The following OR51B5 variants were observed in gnomAD, a reference collection of about 807,000 sequenced individuals.
OR51B5 encodes the protein olfactory receptor family 51 subfamily B member 5, also known as olfactory receptor 51B5.
For synonymous variants in OR51B5, 186 were observed against 144.8 expected, an observed-to-expected ratio of 1.28 and a Z score of -2.04; for missense variants, 456 against 374.6, an observed-to-expected ratio of 1.22 and a Z score of -1.79.
intron 1 of OR51B5, among the ~76,000 whole-genome samples, chr11:5,374,561 G>A (rs985264975): frequency 6.6e-6 from 1 of 152,032 alleles, no homozygotes; most frequent in Non-Finnish European, 1.5e-5. Context: ...TCAAACCAAA[G>A]GCAAAGAAGA....
At chr11:5,366,059 G>C (rs78017006) in intron 1 of OR51B5, among the ~76,000 whole-genome samples, 2 of 151,070 alleles carry the variant, frequency 1.3e-5, no homozygotes, top group African/African-American at 2.5e-5. Flanking sequence ...CAGCATGTTT[G>C]GGGGCTGTTA....
chr11:5,434,450 G>A (rs574647542), intron 1 of OR51B5, among the ~76,000 whole-genome samples: 1 of 152,286 alleles, frequency 6.6e-6, no homozygotes, highest in Non-Finnish European at 1.5e-5. Context: ...CACAGATGTA[G>A]CCTAGGTTTT....
chr11:5,496,745 G>A (rs1851655459), intron 1 of OR51B5, among the ~76,000 whole-genome samples: 2 of 152,210 alleles, frequency 1.3e-5, no homozygotes, highest in Admixed American at 6.5e-5. Flanking sequence ...ATAGGGTCAT[G>A]GGTGTATATA....
At chr11:5,402,466 C>T (rs1849985386) in intron 1 of OR51B5, 1 of 358,736 alleles carries the variant, frequency 2.8e-6, no homozygotes, top group African/African-American at 2.1e-5. Flanking sequence ...AGTTTGGCCA[C>T]ATAAATCTGT....
chr11:5,458,411 T>C (rs184324269), intron 1 of OR51B5, among the ~76,000 whole-genome samples: 1 of 152,338 alleles, frequency 6.6e-6, no homozygotes, highest in East Asian at 1.9e-4. Flanking sequence ...GGTTTTGTTA[T>C]TTTTGTTTAG....
chr11:5,491,266 A>T (rs565416528), intron 1 of OR51B5, among the ~76,000 whole-genome samples: 3 of 152,394 alleles, frequency 2.0e-5, no homozygotes, highest in Admixed American at 1.3e-4. Context: ...CACATCCACA[A>T]GAATCATGAC....
chr11:5,464,975 G>A (rs548870989), intron 1 of OR51B5, among the ~76,000 whole-genome samples: 41 of 152,196 alleles, frequency 2.7e-4, no homozygotes, highest in African/African-American at 8.2e-4. Context: ...GGGAGGCCGA[G>A]GCGGGCGGAT....
chr11:5,397,872 T>C (rs1849903100), intron 1 of OR51B5, among the ~76,000 whole-genome samples: 2 of 151,486 alleles, frequency 1.3e-5, no homozygotes, highest in Admixed American at 1.3e-4. Flanking sequence ...TATGCAGCCA[T>C]AAAAAATGAT....
At chr11:5,472,327 A>G (rs416586) in intron 1 of OR51B5, among the ~76,000 whole-genome samples, 44,405 of 152,072 alleles carry the variant, frequency 0.29, 7,013 homozygotes, top group African/African-American at 0.4. Context: ...TTTCGAAGCT[A>G]TGAAGGAGGT....
chr11:5,440,696 A>T, intron 1 of OR51B5: 1 of 1,613,996 alleles, frequency 6.2e-7, no homozygotes, highest in Non-Finnish European at 8.5e-7. Context: ...TGACATGAAC[A>T]ACAGGTGGAG....
chr11:5,502,978 G>A (rs1378802838), intron 1 of OR51B5, among the ~76,000 whole-genome samples: 1 of 152,164 alleles, frequency 6.6e-6, no homozygotes, highest in Non-Finnish European at 1.5e-5. Context: ...TGAACTGTGA[G>A]TGTCAAAGGG....
rs149725440 is a variant in OR51B5, at chr11:5,440,548, C to G, written n.84+65021G>C. 1.8e-4 allele frequency: 278 copies of G among 1,575,504 alleles called. No individual in the cohort carries two copies. The African/African-American group carries it at 2.8e-3, about 16-fold the overall frequency. On this transcript the variant is annotated intron_variant and non_coding_transcript_variant, in intron 1 of 4. Transcript: ENST00000415970. ...TGTCCCAATCCTTCCTCCAAAGGAGCTTTTGGGGCCTTCAGCCTTCCTCAG... is the reference window on the plus strand; with the variant it reads ...TGTCCCAATCCTTCCTCCAAAGGAGGTTTTGGGGCCTTCAGCCTTCCTCAG...
chr11:5,424,432 T>C (rs1352999603), intron 1 of OR51B5, among the ~76,000 whole-genome samples: 1 of 152,114 alleles, frequency 6.6e-6, no homozygotes, highest in Non-Finnish European at 1.5e-5. Context: ...GACTCACAGA[T>C]TGAATCCCAG....
chr11:5,348,236 G>GGC (rs1356611953), upstream of OR51B5, among the ~76,000 whole-genome samples: 4 of 152,094 alleles, frequency 2.6e-5, no homozygotes, highest in East Asian at 3.9e-4. Context: ...GAACACATAA[G>GGC]GCAAACAATT....
rs183108801 is a variant in OR51B5 at position 5,492,376 on chromosome 11, T to C, written n.84+13193A>G. Among the ~76,000 whole-genome samples, 19 of 152,316 alleles carry C rather than the reference T, an allele frequency of 1.2e-4. No homozygotes were observed. The South Asian group carries it at 2.1e-3, about 17-fold the overall frequency. On this transcript the variant is annotated intron_variant and non_coding_transcript_variant, in intron 1 of 4. Transcript: ENST00000415970. ...TCTCACTCCATGTTATTTGACTTTATTGTGATGTGCTAACAATGGTTCTCA... is the reference window on the plus strand; with the variant it reads ...TCTCACTCCATGTTATTTGACTTTACTGTGATGTGCTAACAATGGTTCTCA...
intron 1 of OR51B5, among the ~76,000 whole-genome samples, chr11:5,367,810 C>G (rs1849393594): frequency 6.6e-6 from 1 of 152,112 alleles, no homozygotes; most frequent in Admixed American, 6.5e-5. Context: ...ATGCTAGCAC[C>G]CAGAATAGAG....
At chr11:5,447,153 T>C (rs1264230017) in intron 1 of OR51B5, among the ~76,000 whole-genome samples, 2 of 152,322 alleles carry the variant, frequency 1.3e-5, no homozygotes, top group South Asian at 2.1e-4. Context: ...GCTAACAAAA[T>C]GTGCTTCTGT....
At chr11:5,383,189 C>T (rs1849637400) in intron 1 of OR51B5, among the ~76,000 whole-genome samples, 1 of 151,988 alleles carries the variant, frequency 6.6e-6, no homozygotes, top group Non-Finnish European at 1.5e-5. Context: ...GAAGGAAAGT[C>T]CAGTGCATTC....
At chr11:5,459,943 A>G (rs771477436) in intron 1 of OR51B5, among the ~76,000 whole-genome samples, 4 of 152,222 alleles carry the variant, frequency 2.6e-5, no homozygotes, top group Admixed American at 6.5e-5. Context: ...TCACTGCAGC[A>G]CTATTCCCAA....
Sources: gnomAD v4.1 joint callset for allele counts (sites outside exome capture counted in the v4.1 genomes callset) on GRCh38, gnomAD v4.1.1 for gene constraint, MANE v1.5 for transcripts, NCBI Gene and HGNC (gene_info 2026-07-23, HGNC 2026-07-21) for gene names.